Variants in CREB3L2 observed in about 807,000 individuals in gnomAD.
The protein encoded by CREB3L2 is cAMP responsive element binding protein 3 like 2.
In CREB3L2, 23 loss-of-function variants were observed where a neutral mutation model predicts 57.2. The ratio of observed to expected loss-of-function variants is 0.40; its 90% CI spans 0.29 to 0.57. The LOEUF (loss-of-function observed/expected upper bound fraction) is 0.57. Among genes scored for constraint, CREB3L2 ranks in the 20% least tolerant of loss-of-function variants. CREB3L2 has a pLI of 0.42. For missense variants in CREB3L2, 628 were observed against 634.7 expected (o/e 0.99, Z 0.11); for synonymous variants, 268 against 265.1 (o/e 1.01, Z -0.11).
At chr7:137,903,927 C>T (rs1242690773) in intron 7 of CREB3L2, 32 bp downstream of exon 7, 12 of 1,581,344 alleles carry the variant, frequency 7.6e-6, no homozygotes, top group Admixed American at 3.3e-5. Context: ...GCATACTGCC[C>T]GATGAACGCA....
Position 137,882,508 on chromosome 7 carries a change from C to A in CREB3L2, c.1391G>T (p.Gly464Val). 1 of 1,614,074 alleles carries A rather than the reference C, an allele frequency of 6.2e-7. No individual in the cohort carries two copies. Among genetic ancestry groups the A allele is most frequent in the Non-Finnish European group, 8.5e-7 (1 of 1,179,930 alleles). The change falls in exon 11 of 12, where the codon GGG becomes GTG. Residue 464 changes from glycine (G) to valine (V), a missense_variant. By Grantham distance (109) the Gly-to-Val change is moderately radical (BLOSUM62 -3). This residue lies in a region of CREB3L2 where 272 missense variants were observed against 242.7 expected (regional missense o/e 1.12). Coordinates refer to ENST00000330387, the MANE Select transcript of CREB3L2 (RefSeq NM_194071.4). ...ATCCACATCCGGCCTGGACTCCAGC[C>A]CTGACACCCTGAGCAGGGAGGAACC... ...DRGSSLLRVSGLESRPDVDLP... is the reference protein window; with the variant it reads ...DRGSSLLRVSVLESRPDVDLP...
rs537986406 is a variant in CREB3L2 at position 137,924,415 on chromosome 7, T to G, written c.319+3735A>C. The stretch of plus-strand genomic sequence containing the variant: ...TCTTCTTTAGGAAGAACACCAAAAT[T>G]AAAGGACAATGCAAATGCATACCTA... On this transcript the variant is annotated intron_variant, in intron 2 of 11. Transcript: ENST00000330387. 8.5e-5 allele frequency among the ~76,000 whole-genome samples: 13 copies of G among 152,260 alleles called. 1 individual carries two copies. In the South Asian group the frequency reaches 2.5e-3, roughly 29 times the overall value.
intron 1 of CREB3L2, chr7:137,936,011 GA>G: frequency 1.1e-6 from 1 of 896,214 alleles, no homozygotes; most frequent in Non-Finnish European, 1.3e-6. Context: ...CGAGGGTGAG[GA>G]AAGGGGAACA....
In CREB3L2 at chr7:137,879,089, C is replaced by A; in HGVS notation, c.*1387G>T. ...ACACTTGAGGGTTTTCTACATTACACAATAAAAAGGCAATTTCCACTTCTT... is the reference window on the plus strand; with the variant it reads ...ACACTTGAGGGTTTTCTACATTACAAAATAAAAAGGCAATTTCCACTTCTT... On this transcript the variant is annotated 3_prime_UTR_variant, in exon 12 of 12. Coordinates refer to ENST00000330387, the MANE Select transcript of CREB3L2 (RefSeq NM_194071.4). 1 of 477,460 alleles carries A rather than the reference C, an allele frequency of 2.1e-6. No individual in the cohort carries two copies. The highest frequency in any genetic ancestry group is 3.9e-6 in the Non-Finnish European group (1 of 254,746). 29.6% of individuals were successfully genotyped at this position (477,460 alleles called of 1,614,324 possible). A position where few individuals can be genotyped will look rare whatever the true frequency, so the allele number is the denominator to read the frequency against.
chr7:137,947,750 GGAA>G (rs1169923787), intron 1 of CREB3L2, among the ~76,000 whole-genome samples: 4 of 152,170 alleles, frequency 2.6e-5, no homozygotes, highest in African/African-American at 4.8e-5. Context: ...AGGGGAGGGA[GGAA>G]GAAGAATTTT....
chr7:137,955,931 G>GAC (rs1291632762), intron 1 of CREB3L2, among the ~76,000 whole-genome samples: 1 of 152,164 alleles, frequency 6.6e-6, no homozygotes, highest in African/African-American at 2.4e-5. Flanking sequence ...ACAGTCACTG[G>GAC]ACACATTCAA....
chr7:137,978,899 C>T (rs1023231355), intron 1 of CREB3L2, among the ~76,000 whole-genome samples: 1 of 152,156 alleles, frequency 6.6e-6, no homozygotes, highest in African/African-American at 2.4e-5. Flanking sequence ...CACCAACTGC[C>T]TGTGAGGGCC....
At chr7:137,922,919 T>A (rs1177950894) in intron 2 of CREB3L2, among the ~76,000 whole-genome samples, 1 of 152,126 alleles carries the variant, frequency 6.6e-6, no homozygotes, top group Non-Finnish European at 1.5e-5. Flanking sequence ...AAAAATATAA[T>A]GGCTAGGCTC....
intron 1 of CREB3L2, chr7:137,957,931 C>T (rs1371845016): frequency 2.4e-6 from 1 of 420,720 alleles, no homozygotes; most frequent in African/African-American, 2.1e-5. Context: ...CAATCTAGGA[C>T]CTCCTCCCAG....
rs1490773728 is a variant in CREB3L2, at chr7:137,882,396, T to C, written c.1487+16A>G. On this transcript the variant is annotated intron_variant, in intron 11 of 11. Transcript: ENST00000330387. ...CAGTGCACTAGAGGAGTTGGCTCTG[T>C]GTCTCTATGACTCACAGGTGCTGCT... 1 of 1,600,646 alleles carries C rather than the reference T, an allele frequency of 6.2e-7. No homozygotes were observed. Among genetic ancestry groups the C allele is most frequent in the Non-Finnish European group, 8.5e-7 (1 of 1,169,830 alleles).
At chr7:137,881,911 A>T (rs1799300457) in intron 11 of CREB3L2, among the ~76,000 whole-genome samples, 1 of 152,214 alleles carries the variant, frequency 6.6e-6, no homozygotes, top group South Asian at 2.1e-4. Context: ...ACCCCTCAAC[A>T]TACATCTATA....
At chr7:137,942,321 G>A (rs752106481) in intron 1 of CREB3L2, among the ~76,000 whole-genome samples, 1 of 152,334 alleles carries the variant, frequency 6.6e-6, no homozygotes, top group Admixed American at 6.5e-5. Context: ...GTGGGGTCCA[G>A]GTTCTCCTTA....
At position 138,001,128 on chromosome 7, in the gene CREB3L2, T is replaced by G. The variant is rs1349206449; in HGVS notation, c.102+476A>C. Among the ~76,000 whole-genome samples, 3 of 93,876 alleles carry G rather than the reference T, an allele frequency of 3.2e-5. No individual in the cohort carries two copies. Among genetic ancestry groups the G allele is most frequent in the African/African-American group, 3.3e-5 (1 of 30,584 alleles). The allele number at this position is 93,876 out of a possible 152,430, so 61.6% of individuals were successfully genotyped here. ...ACACACACACACACACACACACACG[T>G]GTACTTTTTAAAATATAAATATGAA... is the stretch of plus-strand genomic sequence containing the variant. On this transcript the variant is annotated intron_variant, in intron 1 of 11. Transcript: ENST00000330387. This position sits in a 1 kb window ranked among gnomAD's most constrained non-coding sequence, Gnocchi z 4.2.
chr7:137,881,916 T>C (rs1006572362), intron 11 of CREB3L2, among the ~76,000 whole-genome samples: 6 of 152,166 alleles, frequency 3.9e-5, no homozygotes, highest in Admixed American at 1.3e-4. Context: ...TCAACATACA[T>C]CTATAAGTAT....
At chr7:137,964,142 C>T (rs1801369457) in intron 1 of CREB3L2, among the ~76,000 whole-genome samples, 2 of 152,122 alleles carry the variant, frequency 1.3e-5, no homozygotes, top group South Asian at 2.1e-4. Context: ...ATGGTGAAAC[C>T]CTGTCTCTAC....
chr7:137,977,802 T>C (rs529861543), intron 1 of CREB3L2, among the ~76,000 whole-genome samples: 1 of 152,180 alleles, frequency 6.6e-6, no homozygotes, highest in South Asian at 2.1e-4. Context: ...ACACCTGTAG[T>C]TCCAGTTACT....
At chr7:137,890,476 C>T (rs970680020) in intron 8 of CREB3L2, among the ~76,000 whole-genome samples, 1 of 152,206 alleles carries the variant, frequency 6.6e-6, no homozygotes, top group Admixed American at 6.5e-5. Flanking sequence ...AAGGCAAAGA[C>T]ACCTGAGTTT....
Position 137,875,965 on chromosome 7 carries a change from G to T in CREB3L2, c.*4511C>A, listed in dbSNP as rs1287060109. On this transcript the variant is annotated 3_prime_UTR_variant, in exon 12 of 12. Transcript: ENST00000330387. ...AAGTGCTGACCCTTTGACCACAAAG[G>T]CATGGAACATTAATCTTCAAATGAG... 1 of 226,966 alleles carries T rather than the reference G, an allele frequency of 4.4e-6. No individual in the cohort carries two copies. The highest frequency in any genetic ancestry group is 8.7e-6 in the Non-Finnish European group (1 of 114,328). 14.1% of individuals were successfully genotyped at this position (226,966 alleles called of 1,614,324 possible).
chr7:137,919,946 A>G (rs1331678805), intron 2 of CREB3L2, among the ~76,000 whole-genome samples: 2 of 152,306 alleles, frequency 1.3e-5, no homozygotes, highest in African/African-American at 4.8e-5. Flanking sequence ...TAGATTTCCA[A>G]CCTTGGGACA....
Sources: allele counts gnomAD v4.1 joint callset (sites outside exome capture counted in the v4.1 genomes callset), GRCh38; gene constraint gnomAD v4.1.1; regional missense constraint gnomAD v4.1.1; non-coding constraint Gnocchi (gnomAD v3.1); transcripts MANE v1.5; gene names NCBI Gene and HGNC (gene_info 2026-07-23, HGNC 2026-07-21).